GRIA4: variants seen among roughly 807,000 people sequenced by gnomAD.
GRIA4 encodes glutamate ionotropic receptor AMPA type subunit 4.
In GRIA4, 34 loss-of-function variants were observed where a neutral mutation model predicts 104.0. The ratio of observed to expected loss-of-function variants is 0.33; its 90% CI spans 0.25 to 0.44. GRIA4 has a LOEUF of 0.44. Ranked by LOEUF, GRIA4 falls within the 20% of genes least tolerant of loss-of-function variation. GRIA4 has a pLI of 1.00. For missense variants in GRIA4, 750 were observed against 1,096.5 expected (o/e 0.68, Z 4.46); for synonymous variants, 386 against 381.9 (o/e 1.01, Z -0.13).
At chr11:105,777,048 C>T (rs1487933350) in intron 4 of GRIA4, among the ~76,000 whole-genome samples, 1 of 152,066 alleles carries the variant, frequency 6.6e-6, no homozygotes, top group East Asian at 1.9e-4. Context: ...CCAGCCAACA[C>T]CAGCACATAA....
chr11:105,733,083 G>T (rs1054510449), intron 3 of GRIA4, among the ~76,000 whole-genome samples: 10 of 152,016 alleles, frequency 6.6e-5, no homozygotes, highest in Non-Finnish European at 1.5e-4. Context: ...TAGATTAATT[G>T]CATATACAAA....
chr11:105,719,962 A>G (rs1937677639), intron 3 of GRIA4, among the ~76,000 whole-genome samples: 1 of 152,066 alleles, frequency 6.6e-6, no homozygotes, highest in Non-Finnish European at 1.5e-5. Context: ...CTATTTCATC[A>G]TAAGATCCCT....
At chr11:105,920,907 T>C (rs1947539696) in intron 11 of GRIA4, among the ~76,000 whole-genome samples, 1 of 152,132 alleles carries the variant, frequency 6.6e-6, no homozygotes, top group African/African-American at 2.4e-5. Context: ...CTGCAAAGTC[T>C]ATATTGTTTC....
chr11:105,610,917 C>A lies in GRIA4; in HGVS notation c.-81C>A. 4.1e-6 allele frequency: 2 copies of A among 489,208 alleles called. No individual in the cohort carries two copies. Among genetic ancestry groups the A allele is most frequent in the Non-Finnish European group, 7.0e-6 (2 of 284,156 alleles). The allele number at this position is 489,208 out of a possible 1,614,324, so 30.3% of individuals were successfully genotyped here. ...TTGATTTTAATTTTAGCGCCATCGTCTTCAATGCTTCTCTGAACAGCCTTT... is the reference window on the plus strand; with the variant it reads ...TTGATTTTAATTTTAGCGCCATCGTATTCAATGCTTCTCTGAACAGCCTTT... On this transcript the variant is annotated 5_prime_UTR_variant, in exon 2 of 17. Transcript: ENST00000282499.
intron 4 of GRIA4, among the ~76,000 whole-genome samples, chr11:105,777,752 A>G (rs1171042826): frequency 6.6e-6 from 1 of 152,202 alleles, no homozygotes; most frequent in Non-Finnish European, 1.5e-5. Flanking sequence ...GTTCATCTCA[A>G]TCATTTTAAT....
At chr11:105,658,964 T>C (rs1457303435) in intron 3 of GRIA4, among the ~76,000 whole-genome samples, 1 of 151,966 alleles carries the variant, frequency 6.6e-6, no homozygotes, top group East Asian at 1.9e-4. Context: ...AATAAAATGA[T>C]ATTCAACTAG....
chr11:105,979,895 C>A lies in GRIA4; in HGVS notation c.*156C>A. On this transcript the variant is annotated 3_prime_UTR_variant, in exon 17 of 17. Transcript: ENST00000282499. ...CGCGCTGGCCGGACATCAGCAGCAG[C>A]AACGTGTGCATGAGCTCAGCTCGGA... The A allele has an allele frequency of 7.8e-6, 4 of 514,378 alleles. No homozygotes were observed. The highest frequency in any genetic ancestry group is 3.1e-5 in the East Asian group (1 of 32,516). The allele number at this position is 514,378 out of a possible 1,614,324, so 31.9% of individuals were successfully genotyped here.
chr11:105,673,881 A>G (rs1952453640), intron 3 of GRIA4, among the ~76,000 whole-genome samples: 1 of 152,102 alleles, frequency 6.6e-6, no homozygotes, highest in Admixed American at 6.6e-5. Flanking sequence ...AAAATTAGCC[A>G]TATCAATTTA....
intron 5 of GRIA4, among the ~76,000 whole-genome samples, chr11:105,869,571 T>C (rs1213392248): frequency 6.6e-6 from 1 of 152,102 alleles, no homozygotes. Context: ...CTCAAATGTT[T>C]TAAATGTTTA....
intron 3 of GRIA4, among the ~76,000 whole-genome samples, chr11:105,664,987 T>C (rs1952122017): frequency 6.6e-6 from 1 of 152,038 alleles, no homozygotes; most frequent in Non-Finnish European, 1.5e-5. Flanking sequence ...ACTGGCACTA[T>C]TTGTGAGAAA....
chr11:105,956,821 C>T (rs1392674114), intron 14 of GRIA4, among the ~76,000 whole-genome samples: 1 of 152,186 alleles, frequency 6.6e-6, no homozygotes, highest in Admixed American at 6.5e-5. Flanking sequence ...CAGATGGTAT[C>T]TCATTGTGAT....
intron 3 of GRIA4, among the ~76,000 whole-genome samples, chr11:105,646,834 A>G (rs550339788): frequency 8.5e-5 from 13 of 152,328 alleles, no homozygotes; most frequent in Non-Finnish European, 1.6e-4. Flanking sequence ...AAAACTATAA[A>G]AACCCTGGAA....
At position 105,879,490 on chromosome 11, in the gene GRIA4, C is replaced by A. The variant is rs781315014; in HGVS notation, c.673-8029C>A. Among the ~76,000 whole-genome samples the A allele has an allele frequency of 2.6e-5, 4 of 152,170 alleles. No individual in the cohort carries two copies. In the East Asian group the frequency reaches 7.7e-4, roughly 29 times the overall value. On this transcript the variant is annotated intron_variant, in intron 5 of 16. Coordinates refer to ENST00000282499, the MANE Select transcript of GRIA4 (RefSeq NM_000829.4). The stretch of plus-strand genomic sequence containing the variant: ...TTTTCAATATACATTTGGAAAAGTA[C>A]AAGCTACACAAAAATAAATCCAAGT...
intron 14 of GRIA4, among the ~76,000 whole-genome samples, chr11:105,948,595 G>GTTTTTT (rs3060323): frequency 2.0e-3 from 179 of 87,838 alleles, no homozygotes; most frequent in Non-Finnish European, 2.7e-3. Context: ...TTTTCTTTTT[G>GTTTTTT]TTTTTTTTTT....
At chr11:105,843,905 G>C (rs1344858107) in intron 4 of GRIA4, among the ~76,000 whole-genome samples, 1 of 151,942 alleles carries the variant, frequency 6.6e-6, no homozygotes, top group Non-Finnish European at 1.5e-5. Flanking sequence ...TTCTGTCAAT[G>C]CTTTTCGCCA....
chr11:105,662,975 G>A (rs1265689456), intron 3 of GRIA4, among the ~76,000 whole-genome samples: 1 of 151,734 alleles, frequency 6.6e-6, no homozygotes, highest in Non-Finnish European at 1.5e-5. Flanking sequence ...CATAAAATAA[G>A]AGTATCTCAA....
At chr11:105,692,225 A>T (rs1327289647) in intron 3 of GRIA4, among the ~76,000 whole-genome samples, 1 of 152,054 alleles carries the variant, frequency 6.6e-6, no homozygotes, top group Non-Finnish European at 1.5e-5. Flanking sequence ...CATTAGGCAC[A>T]TTACATATAT....
chr11:105,685,938 A>G (rs1952866902), intron 3 of GRIA4, among the ~76,000 whole-genome samples: 1 of 152,198 alleles, frequency 6.6e-6, no homozygotes, highest in Admixed American at 6.5e-5. Flanking sequence ...TCACATTAAA[A>G]AAAAGAATAA....
intron 11 of GRIA4, among the ~76,000 whole-genome samples, chr11:105,920,145 G>A (rs1409081739): frequency 6.6e-6 from 1 of 152,058 alleles, no homozygotes; most frequent in African/African-American, 2.4e-5. Context: ...TAGACATTAT[G>A]AAGCAATTGG....
Sources: allele counts gnomAD v4.1 joint callset (sites outside exome capture counted in the v4.1 genomes callset), GRCh38; gene constraint gnomAD v4.1.1; transcripts MANE v1.5; gene names NCBI Gene and HGNC (gene_info 2026-07-23, HGNC 2026-07-21).